The following CCDC180 variants were observed in gnomAD, a reference collection of about 807,000 sequenced individuals.
The protein encoded by CCDC180 is coiled-coil domain containing 180, also known as coiled-coil domain-containing protein 180.
Under a neutral mutation model 209.2 loss-of-function variants are expected in CCDC180, and 154 were observed. The ratio of observed to expected loss-of-function variants is 0.74; its 90% CI spans 0.65 to 0.84. The LOEUF (loss-of-function observed/expected upper bound fraction) is 0.84. CCDC180 is among the 40% of genes least tolerant of loss of function. CCDC180 has a pLI of 0.00. For synonymous variants in CCDC180, 778 were observed against 749.1 expected, an observed-to-expected ratio of 1.04 and a Z score of -0.63; for missense variants, 1,874 against 1,997.3, an observed-to-expected ratio of 0.94 and a Z score of 1.18.
At chr9:97,362,506 G>T (rs1486374466) in intron 28 of CCDC180, 65 bp downstream of exon 28, 60 of 1,560,900 alleles carry the variant, frequency 3.8e-5, no homozygotes, top group Non-Finnish European at 5.0e-5. Context: ...GGCAGGAGAT[G>T]ACCTATGGCT....
chr9:97,324,393 T>C (rs1833459323), intron 13 of CCDC180, among the ~76,000 whole-genome samples: 1 of 152,230 alleles, frequency 6.6e-6, no homozygotes, highest in Admixed American at 6.5e-5. Context: ...TGATGGACAC[T>C]GAAATTGGAA....
chr9:97,373,179 C>T (rs1055589385), intron 34 of CCDC180: 1 of 152,146 alleles, frequency 6.6e-6, no homozygotes. Flanking sequence ...TCCCTAAAAC[C>T]TTTTTTCTCA....
rs771412312 is a variant in CCDC180, at chr9:97,309,313, A to T, written c.70-101A>T. On this transcript the variant is annotated intron_variant, in intron 2 of 36. Coordinates refer to ENST00000529487, the MANE Select transcript of CCDC180 (RefSeq NM_020893.6). ...TCCTGAAAAGTACCTTCCTGGGGGC[A>T]GCTCTCTGGATGTCTTTCTAGACAG... 52 of 1,175,338 alleles carry T rather than the reference A, an allele frequency of 4.4e-5. No homozygotes were observed. In the Middle Eastern group the frequency reaches 1.1e-3, roughly 25 times the overall value. 72.8% of individuals were successfully genotyped at this position (1,175,338 alleles called of 1,614,324 possible).
chr9:97,345,883 T>C (rs903842512), intron 19 of CCDC180: 1 of 153,468 alleles, frequency 6.5e-6, no homozygotes, highest in Non-Finnish European at 1.5e-5. Flanking sequence ...GAAGTTCTTA[T>C]TTCTAATAAG....
chr9:97,309,997 A>G (rs533953483), intron 3 of CCDC180, among the ~76,000 whole-genome samples: 2 of 152,322 alleles, frequency 1.3e-5, no homozygotes, highest in South Asian at 2.1e-4. Flanking sequence ...CAGTATGGGG[A>G]CAAGGCTCTG....
intron 29 of CCDC180, chr9:97,364,376 G>A: frequency 2.2e-6 from 1 of 462,654 alleles, no homozygotes; most frequent in Non-Finnish European, 3.8e-6. Flanking sequence ...GGTAGGGCAG[G>A]AGACCCCATT....
intron 15 of CCDC180, among the ~76,000 whole-genome samples, chr9:97,326,979 G>A (rs1158654565): frequency 6.6e-6 from 1 of 152,136 alleles, no homozygotes; most frequent in East Asian, 1.9e-4. Context: ...GACCAAGCTG[G>A]CCAACATGGT....
chr9:97,307,609 C>T, upstream of CCDC180: 1 of 843,530 alleles, frequency 1.2e-6, no homozygotes, highest in Non-Finnish European at 2.0e-6. Flanking sequence ...ATTAGGGTCC[C>T]GGATGCGAAT....
chr9:97,375,565 G>C lies in CCDC180; in HGVS notation c.4818G>C (p.Val1606=). 1 of 1,614,240 alleles carries C rather than the reference G, an allele frequency of 6.2e-7. No homozygotes were observed. The highest frequency in any genetic ancestry group is 8.5e-7 in the Non-Finnish European group (1 of 1,180,038). Residue 1606 remains valine, a synonymous_variant, in exon 36 of 37, where the codon GTG becomes GTC. Coordinates refer to ENST00000529487, the MANE Select transcript of CCDC180 (RefSeq NM_020893.6). ...TKTTLGHLAA[V]EARDAVYLKY... ...CCACCCTGGGCCACCTGGCGGCCGTGGAAGCCCGAGATGCTGTGTACCTGG... is the reference window on the plus strand; with the variant it reads ...CCACCCTGGGCCACCTGGCGGCCGTCGAAGCCCGAGATGCTGTGTACCTGG...
Position 97,328,118 on chromosome 9 carries a change from A to G in CCDC180, c.1760A>G (p.Tyr587Cys), listed in dbSNP as rs754181337. The G allele has an allele frequency of 3.1e-6, 5 of 1,613,912 alleles. No homozygotes were observed. The Admixed American group carries it at 6.7e-5, about 22-fold the overall frequency. ...LNSYSSALSQ[Y>C]FFVREIFEQN... ...TCCTACAGCTCTGCCCTCAGCCAAT[A>G]CTTCTTTGTGCGTGAAATCTTTGAA... is the stretch of plus-strand genomic sequence containing the variant. Residue 587 changes from tyrosine (Y) to cysteine (C), a missense_variant, in exon 16 of 37, where the codon TAC (tyrosine) becomes TGC (cysteine). Physicochemically the swap from Tyr to Cys is radical, Grantham distance 194. Transcript: ENST00000529487.
In CCDC180 at chr9:97,350,261, C is replaced by T. The variant is rs1284363738; in HGVS notation, c.2856-148C>T. The stretch of plus-strand genomic sequence containing the variant: ...ATGTCCCCAGGATCCTCACCATCAC[C>T]ACCTGTCCCTCCTGTGTCCCCAGGC... On this transcript the variant is annotated intron_variant, in intron 21 of 36. Coordinates refer to ENST00000529487, the MANE Select transcript of CCDC180 (RefSeq NM_020893.6). 3 of 736,534 alleles carry T rather than the reference C, an allele frequency of 4.1e-6. No individual in the cohort carries two copies. The East Asian group carries it at 8.3e-5, about 20-fold the overall frequency. The allele number at this position is 736,534 out of a possible 1,614,324, so 45.6% of individuals were successfully genotyped here.
At chr9:97,360,655 C>T (rs1464986114) in intron 26 of CCDC180, among the ~76,000 whole-genome samples, 2 of 152,178 alleles carry the variant, frequency 1.3e-5, no homozygotes, top group Admixed American at 6.5e-5. Context: ...CATGCCTCTT[C>T]ATCCCTCTCA....
In CCDC180 at chr9:97,350,465, C is replaced by T; in HGVS notation, c.2912C>T (p.Thr971Ile). The T allele has an allele frequency of 6.5e-7, 1 of 1,536,288 alleles. No individual in the cohort carries two copies. Among genetic ancestry groups the T allele is most frequent in the Non-Finnish European group, 8.7e-7 (1 of 1,146,984 alleles). ...HQELLSYVDV[T>I]QVSLRSFRQY... ...GAGTTGCTTAGCTATGTTGATGTCACCCAGGTGTCCCTGCGCAGCTTCCGG... is the reference window on the plus strand; with the variant it reads ...GAGTTGCTTAGCTATGTTGATGTCATCCAGGTGTCCCTGCGCAGCTTCCGG... The change falls in exon 22 of 37, where the codon ACC (threonine) becomes ATC (isoleucine). Residue 971 changes from threonine (T) to isoleucine (I), a missense_variant. Thr to Ile is a moderately conservative substitution (Grantham distance 89). Coordinates refer to ENST00000529487, the MANE Select transcript of CCDC180 (RefSeq NM_020893.6).
In CCDC180 at chr9:97,330,757, C is replaced by G; in HGVS notation, c.2264C>G (p.Ser755Cys). 1.3e-6 allele frequency: 2 copies of G among 1,597,552 alleles called. No homozygotes were observed. Among genetic ancestry groups the G allele is most frequent in the African/African-American group, 2.7e-5 (2 of 74,878 alleles). Reference sequence around the variant, plus strand: ...GCACAGGAAGAGCAAGAGAGTTTATCTGTGGGTGAGGTAAGCCAGCAACTG... The same window carrying G: ...GCACAGGAAGAGCAAGAGAGTTTATGTGTGGGTGAGGTAAGCCAGCAACTG... Reference protein sequence around the residue: ...KEAQEEQESLSVGEEEDKEEG... With the variant: ...KEAQEEQESLCVGEEEDKEEG... Residue 755 changes from serine to cysteine, a missense_variant, in exon 18 of 37, where the codon TCT becomes TGT. By Grantham distance (112) the Ser-to-Cys change is moderately radical. Transcript: ENST00000529487.
intron 22 of CCDC180, among the ~76,000 whole-genome samples, chr9:97,352,182 A>G (rs944536060): frequency 5.3e-5 from 8 of 152,210 alleles, no homozygotes; most frequent in African/African-American, 1.9e-4. Flanking sequence ...CGGGAAACCA[A>G]TTTATTAACA....
chr9:97,375,929 G>C (rs895840938), intron 36 of CCDC180: 4 of 286,648 alleles, frequency 1.4e-5, no homozygotes, highest in Non-Finnish European at 2.6e-5. Flanking sequence ...GTAGGCTCAG[G>C]GGGGACACAG....
At chr9:97,335,422 T>C (rs1480413390) in intron 18 of CCDC180, among the ~76,000 whole-genome samples, 1 of 152,124 alleles carries the variant, frequency 6.6e-6, no homozygotes, top group Non-Finnish European at 1.5e-5. Flanking sequence ...AGTGAGAACA[T>C]ACAGTGTTTG....
chr9:97,348,594 G>A (rs1826338497), intron 20 of CCDC180, among the ~76,000 whole-genome samples: 1 of 152,128 alleles, frequency 6.6e-6, no homozygotes, highest in African/African-American at 2.4e-5. Context: ...GGTGGTCGGG[G>A]TCGGGGGGGT....
chr9:97,330,693 G>GAGGAGA lies in CCDC180; in HGVS notation c.2205_2206insAAGGAG (p.Glu735_Glu736insLysGlu), dbSNP rs2118688672. The GAGGAGA allele has an allele frequency of 6.2e-7, 1 of 1,609,854 alleles. No individual in the cohort carries two copies. The highest frequency in any genetic ancestry group is 8.5e-7 in the Non-Finnish European group (1 of 1,179,302). ...GGAAGATGAGAAGGAGGAAGAGGAG[G>GAGGAGA]AGGAGGAGAAGCTGGAGGAAGAGAA... On this transcript the variant is annotated inframe_insertion, in exon 18 of 37. Transcript: ENST00000529487.
Sources: gnomAD v4.1 joint callset for allele counts (sites outside exome capture counted in the v4.1 genomes callset) on GRCh38, gnomAD v4.1.1 for gene constraint, MANE v1.5 for transcripts, NCBI Gene and HGNC (gene_info 2026-07-23, HGNC 2026-07-21) for gene names.